The following XAF1 variants were observed in gnomAD, a reference collection of about 807,000 sequenced individuals.
XAF1 encodes the protein XIAP-associated factor 1.
In XAF1, 32 loss-of-function variants were observed where a neutral mutation model predicts 32.3. That is an observed-to-expected ratio of 0.99 (90% CI 0.75 to 1.33). XAF1 has a LOEUF of 1.33. Ranked by LOEUF, XAF1 falls within the 40% of genes most tolerant of loss-of-function variation. The probability of loss-of-function intolerance (pLI) is 0.00; values close to 1 mark genes in which losing one functional copy is unlikely to be tolerated. For missense variants in XAF1, 379 were observed against 366.0 expected (o/e 1.04, Z -0.29); for synonymous variants, 120 against 125.9 (o/e 0.95, Z 0.31).
Position 6,757,644 on chromosome 17 carries a change from T to C in XAF1, c.33-445T>C, listed in dbSNP as rs113175938. Among the ~76,000 whole-genome samples, 415 of 151,474 alleles carry C rather than the reference T, an allele frequency of 2.7e-3. 3 individuals carry two copies. The highest frequency in any genetic ancestry group is 9.4e-3 in the African/African-American group (384 of 41,028). ...AAATAATTTAATTATTTACATTATT[T>C]AAAATGAAATGTTTCATTTTAAAAA... On this transcript the variant is annotated intron_variant, in intron 1 of 6. Transcript: ENST00000361842.
chr17:6,770,131 G>T (rs571809927), intron 5 of XAF1, among the ~76,000 whole-genome samples: 1 of 152,168 alleles, frequency 6.6e-6, no homozygotes, highest in Non-Finnish European at 1.5e-5. Context: ...TGCTATAACA[G>T]GATGCCACAG....
At position 6,773,911 on chromosome 17, in the gene XAF1, T is replaced by C. The variant is rs1371868081; in HGVS notation, c.*742T>C. The C allele has an allele frequency of 4.6e-5, 7 of 151,976 alleles. No individual in the cohort carries two copies. Among genetic ancestry groups the C allele is most frequent in the Non-Finnish European group, 1.0e-4 (7 of 67,982 alleles). 9.4% of individuals were successfully genotyped at this position (151,976 alleles called of 1,614,324 possible). ...TGAAAGAAATCAGAGATGACACAAA[T>C]GGAAAAACATTCCATACTTATGGAT... On this transcript the variant is annotated 3_prime_UTR_variant, in exon 7 of 7. Transcript: ENST00000361842.
chr17:6,760,530 A>G lies in XAF1; in HGVS notation c.350A>G (p.Gln117Arg). 1 of 1,613,776 alleles carries G rather than the reference A, an allele frequency of 6.2e-7. No individual in the cohort carries two copies. Among genetic ancestry groups the G allele is most frequent in the Non-Finnish European group, 8.5e-7 (1 of 1,179,978 alleles). ...ACAGAGCTCTGCCAAGGCTGTGGCC[A>G]GTTCATCATGCACCGCATGCTCGCC... is the stretch of plus-strand genomic sequence containing the variant. ...SRTELCQGCG[Q>R]FIMHRMLAQH... Residue 117 changes from glutamine (Q) to arginine (R), a missense_variant, in exon 4 of 7, where the codon CAG becomes CGG. Gln to Arg is a conservative substitution (Grantham distance 43). Coordinates refer to ENST00000361842, the MANE Select transcript of XAF1 (RefSeq NM_017523.5).
intron 2 of XAF1, chr17:6,758,798 T>C (rs916974236): frequency 4.3e-6 from 1 of 234,440 alleles, no homozygotes; most frequent in African/African-American, 2.9e-5. Context: ...TCAAGGAGAG[T>C]GTTCAGTCCT....
chr17:6,760,568 G>A lies in XAF1; in HGVS notation c.388G>A (p.Val130Ile), dbSNP rs781365147. ...CCGCATGCTCGCCCAGCACAGAGAT[G>A]TCTGTCGCAGTGAACAGGCCCAGCT... ...MHRMLAQHRD[V>I]CRSEQAQLGK... The change falls in exon 4 of 7, where the codon GTC (valine) becomes ATC (isoleucine). Residue 130 changes from valine to isoleucine, a missense_variant. Physicochemically the swap from Val to Ile is conservative, Grantham distance 29 (BLOSUM62 3). Coordinates refer to ENST00000361842, the MANE Select transcript of XAF1 (RefSeq NM_017523.5). 38 of 1,612,566 alleles carry A rather than the reference G, an allele frequency of 2.4e-5. No individual in the cohort carries two copies. In the Admixed American group the frequency reaches 3.5e-4, roughly 15 times the overall value.
At chr17:6,768,348 C>T (rs528358903) in intron 5 of XAF1, among the ~76,000 whole-genome samples, 2 of 152,252 alleles carry the variant, frequency 1.3e-5, no homozygotes, top group East Asian at 3.9e-4. Context: ...GTCTTGAACT[C>T]CTGACCTCAC....
rs1976309056 is a variant in XAF1, at chr17:6,774,804, G to A, written c.*1635G>A. On this transcript the variant is annotated 3_prime_UTR_variant, in exon 7 of 7. Transcript: ENST00000361842. ...GTCTGTAATCCCAGCACTTTGGGAG[G>A]CTGAGGCGGGTGGTTCACCTGAGGT... 1 of 152,200 alleles carries A rather than the reference G, an allele frequency of 6.6e-6. No homozygotes were observed. The highest frequency in any genetic ancestry group is 2.4e-5 in the African/African-American group (1 of 41,440). The allele number at this position is 152,200 out of a possible 1,614,324, so 9.4% of individuals were successfully genotyped here. A position where few individuals can be genotyped will look rare whatever the true frequency, so the allele number is the denominator to read the frequency against.
At position 6,756,069 on chromosome 17, in the gene XAF1, A is replaced by G. The variant is rs1486578624; in HGVS notation, c.-10A>G. 2.5e-6 allele frequency: 4 copies of G among 1,613,994 alleles called. No individual in the cohort carries two copies. The highest frequency in any genetic ancestry group is 4.5e-5 in the East Asian group (2 of 44,868). On this transcript the variant is annotated 5_prime_UTR_variant, in exon 1 of 7. Transcript: ENST00000361842. ...ACGAAACTCAACCGAAAGCCTGCAG[A>G]GAGCAGAACATGGAAGGAGACTTCT...
rs755846557 is a variant in XAF1, at chr17:6,762,171, T to C, written c.438T>C (p.Ala146=). Residue 146 remains alanine, a synonymous_variant, in exon 5 of 7, where the codon GCT becomes GCC. Coordinates refer to ENST00000361842, the MANE Select transcript of XAF1 (RefSeq NM_017523.5). The part of the protein sequence containing the change: ...AQLGKGERIS[A]PEREIYCHYC... Reference sequence around the variant, plus strand: ...CTTATTCAGGGGAAAGAATTTCAGCTCCTGAAAGGGAAATCTACTGTCATT... The same window carrying C: ...CTTATTCAGGGGAAAGAATTTCAGCCCCTGAAAGGGAAATCTACTGTCATT... 5 of 1,613,308 alleles carry C rather than the reference T, an allele frequency of 3.1e-6. No homozygotes were observed. Among genetic ancestry groups the C allele is most frequent in the Non-Finnish European group, 4.2e-6 (5 of 1,179,732 alleles).
chr17:6,756,361 T>C, intron 1 of XAF1: 1 of 1,196,648 alleles, frequency 8.4e-7, no homozygotes, highest in South Asian at 1.7e-5. Flanking sequence ...GGGACAGTTC[T>C]GAAGCCAAAT....
chr17:6,760,634 T>C (rs1483966429), intron 4 of XAF1, 33 bp downstream of exon 4: 1 of 1,585,556 alleles, frequency 6.3e-7, no homozygotes, highest in Non-Finnish European at 8.6e-7. Flanking sequence ...AAGAGAGACG[T>C]TCCAAGGGCC....
At chr17:6,757,173 G>A (rs1442081007) in intron 1 of XAF1, among the ~76,000 whole-genome samples, 1 of 151,990 alleles carries the variant, frequency 6.6e-6, no homozygotes, top group Non-Finnish European at 1.5e-5. Flanking sequence ...GGCTAATTTT[G>A]TATTGTTTTA....
At chr17:6,755,692 C>G (rs776279128), upstream of XAF1, 9 of 1,050,942 alleles carry the variant, frequency 8.6e-6, no homozygotes, top group Non-Finnish European at 1.0e-5. Flanking sequence ...CAGAAGGGAG[C>G]CGGAGATGGG....
chr17:6,773,061 C>G (rs1976173577), intron 6 of XAF1, 52 bp from the exon 7 acceptor site: 2 of 1,467,834 alleles, frequency 1.4e-6, no homozygotes, highest in African/African-American at 2.8e-5. Flanking sequence ...ATTCTAGGAG[C>G]TAGCACTTCT....
chr17:6,759,135 G>T, intron 2 of XAF1: 1 of 1,017,564 alleles, frequency 9.8e-7, no homozygotes, highest in Non-Finnish European at 1.2e-6. Context: ...TCACTTGAGG[G>T]CCATGGGAAG....
intron 5 of XAF1, among the ~76,000 whole-genome samples, chr17:6,764,605 A>T (rs139512737): frequency 2.6e-5 from 4 of 152,342 alleles, no homozygotes; most frequent in Non-Finnish European, 4.4e-5. Context: ...GATTGAAATC[A>T]TGTATACTAG....
At chr17:6,759,117 G>A in intron 2 of XAF1, 1 of 1,016,316 alleles carries the variant, frequency 9.8e-7, no homozygotes. Flanking sequence ...AGTCCCCCAG[G>A]CAGAGACTCA....
chr17:6,762,071 CAGGCCATGTATGCAGT>C (rs1323881388), intron 4 of XAF1, 68 bp from the exon 5 acceptor site: 1 of 1,602,898 alleles, frequency 6.2e-7, no homozygotes. Flanking sequence ...CTCATGAGCA[CAGGCCATGTATGCAGT>C]TGTGGGAGAG....
chr17:6,759,803 TAG>T (rs1276342956), intron 3 of XAF1, 85 bp downstream of exon 3: 8 of 1,603,766 alleles, frequency 5.0e-6, no homozygotes, highest in Non-Finnish European at 6.8e-6. Context: ...AGGCCAGTAA[TAG>T]AGATTTCCAC....
Sources: gnomAD v4.1 joint callset for allele counts (sites outside exome capture counted in the v4.1 genomes callset) on GRCh38, gnomAD v4.1.1 for gene constraint, MANE v1.5 for transcripts, NCBI Gene and HGNC (gene_info 2026-07-23, HGNC 2026-07-21) for gene names.